PLEK: variants seen among roughly 807,000 people sequenced by gnomAD.
PLEK encodes pleckstrin.
PLEK carries 25 observed loss-of-function variants against 43.9 expected under a neutral mutation model. The ratio of observed to expected loss-of-function variants is 0.57; its 90% CI spans 0.41 to 0.79. The LOEUF is 0.79. Ranked by LOEUF, PLEK falls within the 30% of genes least tolerant of loss-of-function variation. The pLI, the probability that PLEK is intolerant of heterozygous loss-of-function variation, is 0.00. For missense variants in PLEK, 396 were observed against 413.3 expected (o/e 0.96, Z 0.36); for synonymous variants, 152 against 144.4 (o/e 1.05, Z -0.38).
intron 1 of PLEK, among the ~76,000 whole-genome samples, chr2:68,368,620 G>A (rs1463966741): frequency 6.6e-6 from 1 of 152,218 alleles, no homozygotes; most frequent in Non-Finnish European, 1.5e-5. Context: ...TCTCTGTTTA[G>A]GGGGTTTCTT....
In PLEK at chr2:68,365,305, A is replaced by G; in HGVS notation, c.-47A>G. 6.3e-7 allele frequency: 1 copy of G among 1,581,578 alleles called. No individual in the cohort carries two copies. Among genetic ancestry groups the G allele is most frequent in the Non-Finnish European group, 8.7e-7 (1 of 1,150,748 alleles). On this transcript the variant is annotated 5_prime_UTR_variant, in exon 1 of 9. It removes the in-frame stop codon of an upstream open reading frame in the 5' UTR. Transcript: ENST00000234313. ...GCATGCAGAGGAGGCCCAGCTGCTG[A>G]GAGGAGTTGCCTGAGAGTGACCTTT...
At chr2:68,374,871 A>G (rs924832598) in intron 1 of PLEK, among the ~76,000 whole-genome samples, 11 of 152,176 alleles carry the variant, frequency 7.2e-5, no homozygotes, top group Non-Finnish European at 1.3e-4. Context: ...TTTCCATAGT[A>G]TACATTTACT....
In PLEK at chr2:68,381,133, C is replaced by CAGAG. The variant is rs10538878; in HGVS notation, c.380+251_380+254dup. ...GTACAAATTCCCTCATACTGGGTAC[C>CAGAG]AGAGAGAGAGAGAGAGAGAGAGAGA... On this transcript the variant is annotated intron_variant, in intron 3 of 8. Transcript: ENST00000234313. Among the ~76,000 whole-genome samples, 578 of 150,180 alleles carry CAGAG rather than the reference C, an allele frequency of 3.8e-3. 2 individuals are homozygous for CAGAG. The highest frequency in any genetic ancestry group is 0.014 in the African/African-American group (555 of 40,852).
At chr2:68,394,876 G>A (rs1211238287) in intron 8 of PLEK, among the ~76,000 whole-genome samples, 1 of 152,164 alleles carries the variant, frequency 6.6e-6, no homozygotes, top group Non-Finnish European at 1.5e-5. Context: ...GTTTTGTCCT[G>A]ACATTTTGGT....
chr2:68,372,576 C>A (rs886463924), intron 1 of PLEK, among the ~76,000 whole-genome samples: 2 of 151,904 alleles, frequency 1.3e-5, no homozygotes, highest in African/African-American at 4.8e-5. Context: ...TATACCAGTC[C>A]CATGATGATG....
intron 1 of PLEK, among the ~76,000 whole-genome samples, chr2:68,368,987 G>A (rs1317102096): frequency 6.6e-6 from 1 of 152,182 alleles, no homozygotes; most frequent in African/African-American, 2.4e-5. Flanking sequence ...TGGTAGAAGT[G>A]GAAGAGAGCC....
At chr2:68,386,734 A>C in intron 5 of PLEK, 48 bp downstream of exon 5, 1 of 1,412,374 alleles carries the variant, frequency 7.1e-7, no homozygotes, top group Non-Finnish European at 9.9e-7. Context: ...GGCTGCCCTG[A>C]GCAGATTCTA....
chr2:68,380,118 G>A (rs1295945122), intron 1 of PLEK, among the ~76,000 whole-genome samples: 1 of 152,126 alleles, frequency 6.6e-6, no homozygotes, highest in Non-Finnish European at 1.5e-5. Flanking sequence ...CAGAGAATGG[G>A]GTTGGCTTGA....
intron 3 of PLEK, among the ~76,000 whole-genome samples, chr2:68,381,519 C>T (rs895096228): frequency 2.0e-5 from 3 of 152,182 alleles, no homozygotes; most frequent in Non-Finnish European, 4.4e-5. Context: ...GTCACATGAG[C>T]CCCTTTCTCT....
chr2:68,372,505 T>C (rs1673430102), intron 1 of PLEK, among the ~76,000 whole-genome samples: 1 of 152,116 alleles, frequency 6.6e-6, no homozygotes, highest in Admixed American at 6.6e-5. Flanking sequence ...TGGTCAAATC[T>C]GCCGTTCTTT....
chr2:68,386,344 G>T (rs1050829993), intron 4 of PLEK, among the ~76,000 whole-genome samples, 158 bp from the exon 5 acceptor site: 1 of 152,040 alleles, frequency 6.6e-6, no homozygotes, highest in Non-Finnish European at 1.5e-5. Flanking sequence ...GTTTCTAGTG[G>T]GTATCTATCC....
intron 3 of PLEK, among the ~76,000 whole-genome samples, chr2:68,381,902 T>A (rs528593036): frequency 3.9e-4 from 60 of 152,082 alleles, no homozygotes; most frequent in Non-Finnish European, 7.6e-4. Flanking sequence ...CAGAACTAAG[T>A]GGGAAAAATG....
chr2:68,366,713 A>G (rs573424815), intron 1 of PLEK, among the ~76,000 whole-genome samples: 36 of 152,354 alleles, frequency 2.4e-4, no homozygotes, highest in African/African-American at 8.7e-4. Context: ...ACACTTATAC[A>G]TAGAAGTGTA....
chr2:68,389,652 A>C (rs886176307), intron 6 of PLEK, among the ~76,000 whole-genome samples: 1 of 152,244 alleles, frequency 6.6e-6, no homozygotes, highest in Non-Finnish European at 1.5e-5. Flanking sequence ...TTAAGAGAAC[A>C]GTGTCCTAAG....
intron 1 of PLEK, among the ~76,000 whole-genome samples, chr2:68,369,620 G>A (rs1460319954): frequency 6.6e-6 from 1 of 151,132 alleles, no homozygotes; most frequent in African/African-American, 2.4e-5. Flanking sequence ...TTTTTCAAAT[G>A]TATACTACAT....
intron 6 of PLEK, 91 bp downstream of exon 6, chr2:68,388,582 T>G: frequency 1.4e-6 from 1 of 692,098 alleles, no homozygotes. Context: ...GTTTGTTTGG[T>G]TAATAGTCAA....
intron 1 of PLEK, among the ~76,000 whole-genome samples, chr2:68,377,426 A>G (rs892673076): frequency 6.6e-6 from 1 of 152,128 alleles, no homozygotes. Context: ...ATCCTCAAAA[A>G]CATTTCTTAT....
intron 1 of PLEK, among the ~76,000 whole-genome samples, chr2:68,376,730 G>T (rs796847137): frequency 8.5e-5 from 13 of 152,184 alleles, no homozygotes; most frequent in African/African-American, 3.1e-4. Flanking sequence ...GGAGAATGGG[G>T]TATCCATCCC....
intron 5 of PLEK, among the ~76,000 whole-genome samples, chr2:68,387,203 A>G (rs907767621): frequency 1.3e-5 from 2 of 152,020 alleles, no homozygotes; most frequent in Non-Finnish European, 2.9e-5. Flanking sequence ...ACAGCGTTTC[A>G]CCATGTTGGC....
Sources: gnomAD v4.1 joint callset for allele counts (sites outside exome capture counted in the v4.1 genomes callset) on GRCh38, gnomAD v4.1.1 for gene constraint, MANE v1.5 for transcripts, NCBI Gene and HGNC (gene_info 2026-07-23, HGNC 2026-07-21) for gene names.